Variants in NELL1 observed in about 807,000 individuals in gnomAD.
The protein encoded by NELL1 is neural EGFL like 1, also known as protein kinase C-binding protein NELL1.
In NELL1, 76 loss-of-function variants were observed where a neutral mutation model predicts 107.4. That is an observed-to-expected ratio of 0.71 (90% confidence interval 0.59 to 0.86). The LOEUF is 0.86. Ranked by LOEUF, NELL1 falls within the 40% of genes least tolerant of loss-of-function variation. The probability of loss-of-function intolerance (pLI) is 0.00; values close to 1 mark genes in which losing one functional copy is unlikely to be tolerated. For synonymous variants in NELL1, 353 were observed against 341.2 expected (o/e 1.03, Z -0.38); for missense variants, 1,024 against 1,005.5 (o/e 1.02, Z -0.25).
intron 4 of NELL1, among the ~76,000 whole-genome samples, chr11:20,875,670 T>C (rs1266664802): frequency 6.6e-6 from 1 of 152,244 alleles, no homozygotes; most frequent in Non-Finnish European, 1.5e-5. Flanking sequence ...GACAGTCTTA[T>C]ATGATCTGGT....
At chr11:21,310,391 A>C (rs1419015523) in intron 14 of NELL1, among the ~76,000 whole-genome samples, 1 of 152,090 alleles carries the variant, frequency 6.6e-6, no homozygotes, top group African/African-American at 2.4e-5. Flanking sequence ...ATATTCACTG[A>C]GTGGCTGCTA....
intron 12 of NELL1, among the ~76,000 whole-genome samples, chr11:21,076,301 T>C (rs1854134863): frequency 6.6e-6 from 1 of 152,224 alleles, no homozygotes; most frequent in Non-Finnish European, 1.5e-5. Flanking sequence ...TTCCTCTTCA[T>C]TGGCCCCTCA....
At chr11:20,885,148 C>A (rs1036623219) in intron 4 of NELL1, among the ~76,000 whole-genome samples, 1 of 152,202 alleles carries the variant, frequency 6.6e-6, no homozygotes, top group Non-Finnish European at 1.5e-5. Flanking sequence ...CTATAACATG[C>A]GTATCAAACC....
At chr11:21,197,989 T>C (rs552634062) in intron 13 of NELL1, among the ~76,000 whole-genome samples, 1 of 152,294 alleles carries the variant, frequency 6.6e-6, no homozygotes, top group South Asian at 2.1e-4. Flanking sequence ...ATAATTCAGA[T>C]AGAGCCCCGC....
intron 5 of NELL1, among the ~76,000 whole-genome samples, chr11:20,907,904 CA>C (rs1850039359): frequency 6.6e-6 from 1 of 152,112 alleles, no homozygotes; most frequent in African/African-American, 2.4e-5. Flanking sequence ...GATGAACAGA[CA>C]CTTCTCAAAG....
chr11:21,188,815 T>G (rs7115087), intron 13 of NELL1, among the ~76,000 whole-genome samples: 5 of 151,496 alleles, frequency 3.3e-5, no homozygotes, highest in African/African-American at 1.2e-4. Context: ...TTTGTGACAC[T>G]ATAAGCATTT....
At chr11:21,423,793 G>A (rs1360018306) in intron 15 of NELL1, among the ~76,000 whole-genome samples, 1 of 152,206 alleles carries the variant, frequency 6.6e-6, no homozygotes, top group Non-Finnish European at 1.5e-5. Flanking sequence ...TCTACAACAG[G>A]ATGAAGTCAG....
intron 15 of NELL1, among the ~76,000 whole-genome samples, chr11:21,504,498 T>G (rs985338249): frequency 6.6e-6 from 1 of 152,154 alleles, no homozygotes; most frequent in Non-Finnish European, 1.5e-5. Flanking sequence ...ATCTGACTCC[T>G]TTTTTTGTAC....
intron 2 of NELL1, among the ~76,000 whole-genome samples, chr11:20,706,419 C>T (rs1854956827): frequency 6.8e-6 from 1 of 147,264 alleles, no homozygotes; most frequent in Non-Finnish European, 1.5e-5. Context: ...ATCACAAGGA[C>T]AAAAAACCAA....
chr11:20,770,270 C>T (rs1002555481), intron 2 of NELL1, among the ~76,000 whole-genome samples: 1 of 152,154 alleles, frequency 6.6e-6, no homozygotes, highest in Non-Finnish European at 1.5e-5. Context: ...GTGGCATTTC[C>T]AGTGATTCAT....
At position 20,669,656 on chromosome 11, in the gene NELL1, C is replaced by T; in HGVS notation, c.-68C>T. 7.1e-7 allele frequency: 1 copy of T among 1,402,486 alleles called. No individual in the cohort carries two copies. Among genetic ancestry groups the T allele is most frequent in the Non-Finnish European group, 1.0e-6 (1 of 991,986 alleles). 86.9% of individuals were successfully genotyped at this position (1,402,486 alleles called of 1,614,324 possible). On this transcript the variant is annotated 5_prime_UTR_variant, in exon 1 of 20. Coordinates refer to ENST00000357134, the MANE Select transcript of NELL1 (RefSeq NM_006157.5). This position sits in a 1 kb window ranked among gnomAD's most constrained non-coding sequence, Gnocchi z 4.4. ...TGGCGGCTCCAAGCCAGGCGCGCCT[C>T]AGGATCCAGGCTCATTTGCTTCCAC...
intron 5 of NELL1, among the ~76,000 whole-genome samples, chr11:20,908,860 A>G (rs1391526850): frequency 1.3e-5 from 2 of 152,188 alleles, no homozygotes; most frequent in Non-Finnish European, 2.9e-5. Context: ...CAGGGACTCA[A>G]ACAGACACTT....
chr11:20,792,167 T>G (rs183064533), intron 3 of NELL1, among the ~76,000 whole-genome samples: 1 of 152,238 alleles, frequency 6.6e-6, no homozygotes, highest in African/African-American at 2.4e-5. Context: ...TAAGCTAACA[T>G]TTGCTGATTG....
chr11:20,670,254 G>C (rs1307332394), intron 1 of NELL1, among the ~76,000 whole-genome samples: 1 of 152,178 alleles, frequency 6.6e-6, no homozygotes, highest in Non-Finnish European at 1.5e-5. Context: ...GGGAGGGCGC[G>C]GTGCGGCGAG....
chr11:21,140,927 T>C (rs1855851852), intron 13 of NELL1, among the ~76,000 whole-genome samples: 1 of 152,208 alleles, frequency 6.6e-6, no homozygotes, highest in South Asian at 2.1e-4. Context: ...TTCCAAATTA[T>C]GTGTCAGAAT....
intron 14 of NELL1, among the ~76,000 whole-genome samples, chr11:21,282,739 A>G (rs1449518543): frequency 6.6e-6 from 1 of 152,210 alleles, no homozygotes; most frequent in Non-Finnish European, 1.5e-5. Flanking sequence ...TTGTCTCAGC[A>G]CTAGTCACAA....
At chr11:20,913,274 A>G (rs999015499) in intron 5 of NELL1, among the ~76,000 whole-genome samples, 1 of 151,906 alleles carries the variant, frequency 6.6e-6, no homozygotes, top group Non-Finnish European at 1.5e-5. Flanking sequence ...AATTTGTTTC[A>G]GTATTTTAGC....
intron 15 of NELL1, among the ~76,000 whole-genome samples, chr11:21,498,494 AT>A (rs79172164): frequency 2.0e-5 from 3 of 151,412 alleles, no homozygotes; most frequent in African/African-American, 7.2e-5. Context: ...AGTTCTGATA[AT>A]TTTTTTAAGT....
chr11:21,388,615 A>C (rs1294320475), intron 15 of NELL1, among the ~76,000 whole-genome samples: 1 of 151,870 alleles, frequency 6.6e-6, no homozygotes, highest in African/African-American at 2.4e-5. Context: ...TAAATAATTC[A>C]TGTAAGTTCA....
Sources: allele counts gnomAD v4.1 joint callset (sites outside exome capture counted in the v4.1 genomes callset), GRCh38; gene constraint gnomAD v4.1.1; non-coding constraint Gnocchi (gnomAD v3.1); transcripts MANE v1.5; gene names NCBI Gene and HGNC (gene_info 2026-07-23, HGNC 2026-07-21).